The following CACNA2D1 variants were observed in gnomAD, a reference collection of about 807,000 sequenced individuals.
CACNA2D1 encodes voltage-dependent calcium channel subunit alpha-2/delta-1.
Under a neutral mutation model 171.5 loss-of-function variants are expected in CACNA2D1, and 53 were observed. The observed-to-expected ratio is 0.31, with a 90% CI of 0.25 to 0.39. The LOEUF is 0.39. Ranked by LOEUF, CACNA2D1 falls within the 10% of genes least tolerant of loss-of-function variation. The pLI is 1.00. For missense variants in CACNA2D1, 903 were observed against 1,299.8 expected, an observed-to-expected ratio of 0.69 and a Z score of 4.69; for synonymous variants, 442 against 443.1, an observed-to-expected ratio of 1.00 and a Z score of 0.03.
At chr7:82,384,984 C>A (rs189431749) in intron 1 of CACNA2D1, among the ~76,000 whole-genome samples, 11 of 152,306 alleles carry the variant, frequency 7.2e-5, no homozygotes, top group Non-Finnish European at 1.2e-4. Context: ...CACACTTTAG[C>A]CCCTACTGAA....
intron 3 of CACNA2D1, among the ~76,000 whole-genome samples, chr7:82,286,900 T>G (rs1810857626): frequency 6.6e-6 from 1 of 152,160 alleles, no homozygotes; most frequent in Non-Finnish European, 1.5e-5. Context: ...TGGAACACAT[T>G]TAACTTATCT....
At chr7:81,995,200 A>G (rs948869246) in intron 19 of CACNA2D1, among the ~76,000 whole-genome samples, 3 of 152,178 alleles carry the variant, frequency 2.0e-5, no homozygotes, top group African/African-American at 7.2e-5. Flanking sequence ...TTTGAAACGT[A>G]ATTAATAAAA....
chr7:82,192,244 G>A lies in CACNA2D1; in HGVS notation c.295-21635C>T, dbSNP rs542180694. On this transcript the variant is annotated intron_variant, in intron 3 of 38. Coordinates refer to ENST00000356860, the MANE Select transcript of CACNA2D1 (RefSeq NM_000722.4). ...AAGATTCCAAACAAGAAAACAAGGT[G>A]GATATGACATAAAATCACTTAGTGC... is the stretch of plus-strand genomic sequence containing the variant. 3.3e-5 allele frequency among the ~76,000 whole-genome samples: 5 copies of A among 151,534 alleles called. No individual in the cohort carries two copies. In the South Asian group the frequency reaches 8.3e-4, roughly 25 times the overall value.
chr7:82,443,475 T>C lies in CACNA2D1; in HGVS notation c.-16A>G. 4 of 1,605,808 alleles carry C rather than the reference T, an allele frequency of 2.5e-6. No homozygotes were observed. Among genetic ancestry groups the C allele is most frequent in the Non-Finnish European group, 3.4e-6 (4 of 1,175,962 alleles). Reference sequence around the variant, plus strand: ...CAGCAGCCATCTTCGCGATCGAAGATCAATGCCCCCTCCCTGCCCAAGCGG... The same window carrying C: ...CAGCAGCCATCTTCGCGATCGAAGACCAATGCCCCCTCCCTGCCCAAGCGG... On this transcript the variant is annotated 5_prime_UTR_variant, in exon 1 of 39. Coordinates refer to ENST00000356860, the MANE Select transcript of CACNA2D1 (RefSeq NM_000722.4).
intron 3 of CACNA2D1, among the ~76,000 whole-genome samples, chr7:82,278,471 T>C (rs936039029): frequency 6.8e-6 from 1 of 147,026 alleles, no homozygotes; most frequent in Non-Finnish European, 1.5e-5. Flanking sequence ...GGCAGGAGAA[T>C]CGCTTGAGCC....
In CACNA2D1 at chr7:82,010,156, G is replaced by A. The variant is rs13240032; in HGVS notation, c.1362+1998C>T. The stretch of plus-strand genomic sequence containing the variant: ...CAATATTGGCTTCATTTTGAAGTCA[G>A]AATTCTTTTTCTCATTATATCCATT... On this transcript the variant is annotated intron_variant, in intron 15 of 38. Coordinates refer to ENST00000356860, the MANE Select transcript of CACNA2D1 (RefSeq NM_000722.4). 7.4e-3 allele frequency among the ~76,000 whole-genome samples: 1,130 copies of A among 151,986 alleles called. 4 individuals carry two copies. Among genetic ancestry groups the A allele is most frequent in the Non-Finnish European group, 0.012 (835 of 67,942 alleles).
chr7:82,440,460 G>A (rs1482886736), intron 1 of CACNA2D1, among the ~76,000 whole-genome samples: 1 of 151,670 alleles, frequency 6.6e-6, no homozygotes, highest in African/African-American at 2.4e-5. Flanking sequence ...ATACCAATAC[G>A]ACATGTGCAT....
At chr7:82,232,757 G>A (rs889427156) in intron 3 of CACNA2D1, among the ~76,000 whole-genome samples, 12 of 149,102 alleles carry the variant, frequency 8.0e-5, no homozygotes, top group African/African-American at 1.2e-4. Context: ...CCATCTACTC[G>A]GGAGGCTGAG....
At chr7:82,179,534 C>T (rs1039777470) in intron 3 of CACNA2D1, among the ~76,000 whole-genome samples, 12 of 152,228 alleles carry the variant, frequency 7.9e-5, no homozygotes, top group Admixed American at 7.2e-4. Context: ...AATCACTTTG[C>T]ATAACAACCA....
intron 3 of CACNA2D1, among the ~76,000 whole-genome samples, chr7:82,200,222 T>C (rs974558037): frequency 2.0e-5 from 3 of 152,012 alleles, no homozygotes; most frequent in South Asian, 2.1e-4. Flanking sequence ...TAGAATATAT[T>C]GTTTAGCAAA....
At position 82,170,592 on chromosome 7, in the gene CACNA2D1, C is replaced by T. The variant is rs565135307; in HGVS notation, c.312G>A (p.Ala104=). 31 of 1,612,552 alleles carry T rather than the reference C, an allele frequency of 1.9e-5. No individual in the cohort carries two copies. The highest frequency in any genetic ancestry group is 8.8e-5 in the South Asian group (8 of 91,062). ...ACTGGTGAGCTGCTTGAACTTTCTC[C>T]GCTTCCAATGCCAGGCGCTGAAAAA... ...SKALVRLALE[A]EKVQAAHQWR... The change falls in exon 4 of 39, where the codon GCG becomes GCA. Residue 104 remains alanine (A), a synonymous_variant. Coordinates refer to ENST00000356860, the MANE Select transcript of CACNA2D1 (RefSeq NM_000722.4).
At chr7:82,195,606 C>G (rs762258227) in intron 3 of CACNA2D1, among the ~76,000 whole-genome samples, 18 of 151,776 alleles carry the variant, frequency 1.2e-4, no homozygotes, top group Non-Finnish European at 2.7e-4. Flanking sequence ...CTGTCTCTAA[C>G]CCAACATGTT....
intron 3 of CACNA2D1, among the ~76,000 whole-genome samples, chr7:82,189,001 A>G (rs928810831): frequency 4.6e-5 from 7 of 152,010 alleles, no homozygotes; most frequent in African/African-American, 1.4e-4. Context: ...AAAACAGTAG[A>G]CACTGGGACC....
In CACNA2D1 at chr7:81,950,332, G is replaced by T; in HGVS notation, c.*60C>A. 1 of 1,612,434 alleles carries T rather than the reference G, an allele frequency of 6.2e-7. No individual in the cohort carries two copies. Reference sequence around the variant, plus strand: ...TGACCCTACGTTACTGTAATTGAGGGCAGGGCTCATGTTTTGGCAGGGTCT... The same window carrying T: ...TGACCCTACGTTACTGTAATTGAGGTCAGGGCTCATGTTTTGGCAGGGTCT... On this transcript the variant is annotated 3_prime_UTR_variant, in exon 39 of 39. Transcript: ENST00000356860.
intron 1 of CACNA2D1, among the ~76,000 whole-genome samples, chr7:82,412,182 A>G (rs567256562): frequency 6.6e-6 from 1 of 151,772 alleles, no homozygotes; most frequent in East Asian, 1.9e-4. Flanking sequence ...CATATCTCAC[A>G]TGTATTTGTA....
chr7:82,211,840 T>G (rs1800591299), intron 3 of CACNA2D1, among the ~76,000 whole-genome samples: 1 of 152,190 alleles, frequency 6.6e-6, no homozygotes, highest in Non-Finnish European at 1.5e-5. Flanking sequence ...TACATAAACG[T>G]TCCCTTTCTC....
intron 1 of CACNA2D1, among the ~76,000 whole-genome samples, chr7:82,432,051 A>AAAAAAAAAAAAAAAAAAAAAAAAAAAAAG (rs1829733104): frequency 6.6e-6 from 1 of 151,330 alleles, no homozygotes; most frequent in African/African-American, 2.4e-5. Context: ...AAAAAAAAAA[A>AAAAAAAAAAAAAAAAAAAAAAAAAAAAAG]AAAAAAATTG....
chr7:82,174,949 T>C (rs1796410937), intron 3 of CACNA2D1, among the ~76,000 whole-genome samples: 1 of 152,038 alleles, frequency 6.6e-6, no homozygotes, highest in African/African-American at 2.4e-5. Flanking sequence ...TCTTCATCTT[T>C]TCCATTAGCG....
At chr7:82,279,314 T>G (rs1192973103) in intron 3 of CACNA2D1, among the ~76,000 whole-genome samples, 2 of 152,202 alleles carry the variant, frequency 1.3e-5, no homozygotes, top group Non-Finnish European at 2.9e-5. Flanking sequence ...ATTTATTTAT[T>G]TATGTATGTA....
Sources: gnomAD v4.1 joint callset for allele counts (sites outside exome capture counted in the v4.1 genomes callset) on GRCh38, gnomAD v4.1.1 for gene constraint, MANE v1.5 for transcripts, NCBI Gene and HGNC (gene_info 2026-07-23, HGNC 2026-07-21) for gene names.